SPIDR: variants seen among roughly 807,000 people sequenced by gnomAD.
SPIDR encodes the protein DNA repair-scaffolding protein.
A neutral mutation model predicts 104.6 loss-of-function variants in SPIDR; 93 were observed. The observed-to-expected ratio is 0.89, with a 90% CI of 0.75 to 1.06. SPIDR has a LOEUF of 1.06. Among genes scored for constraint, SPIDR ranks in the 50% least tolerant of loss-of-function variants. The pLI, the probability that SPIDR is intolerant of heterozygous loss-of-function variation, is 0.00. For missense variants in SPIDR, 1,154 were observed against 1,111.2 expected (o/e 1.04, Z -0.55); for synonymous variants, 431 against 416.9 (o/e 1.03, Z -0.41).
At chr8:47,294,093 T>G (rs1473323871) in intron 5 of SPIDR, 63 bp downstream of exon 5, 2 of 879,104 alleles carry the variant, frequency 2.3e-6, no homozygotes, top group Non-Finnish European at 3.1e-6. Flanking sequence ...ATAGTTGTCA[T>G]TTTTTTTTTT....
chr8:47,688,019 G>T (rs897243322), intron 11 of SPIDR, among the ~76,000 whole-genome samples: 4 of 141,008 alleles, frequency 2.8e-5, no homozygotes, highest in Non-Finnish European at 6.0e-5. Flanking sequence ...AAAAAAAAGT[G>T]TGTGTGTGTG....
In SPIDR at chr8:47,362,231, G is replaced by T. The variant is rs542048795; in HGVS notation, c.526-34145G>T. Among the ~76,000 whole-genome samples, 79 of 152,334 alleles carry T rather than the reference G, an allele frequency of 5.2e-4. No homozygotes were observed. The South Asian group carries it at 7.4e-3, about 14-fold the overall frequency. ...GCCACAGCCTGAGAGATTCTGCTGA[G>T]AGTGTGACTGCCTTTTATAGTGCTG... On this transcript the variant is annotated intron_variant, in intron 5 of 19. Transcript: ENST00000297423.
intron 14 of SPIDR, among the ~76,000 whole-genome samples, chr8:47,704,309 T>A (rs1589360821): frequency 6.6e-6 from 1 of 152,370 alleles, no homozygotes; most frequent in Middle Eastern, 3.4e-3. Context: ...CATTCTCATG[T>A]ACATATCATT....
chr8:47,648,858 G>A (rs1057419471), intron 10 of SPIDR, among the ~76,000 whole-genome samples: 7 of 152,066 alleles, frequency 4.6e-5, no homozygotes, highest in South Asian at 2.1e-4. Context: ...AGTAAGACTC[G>A]ATGAAAACAA....
At chr8:47,453,677 C>A (rs1390197715) in intron 8 of SPIDR, among the ~76,000 whole-genome samples, 1 of 152,138 alleles carries the variant, frequency 6.6e-6, no homozygotes, top group African/African-American at 2.4e-5. Flanking sequence ...GAAACTGGAT[C>A]CCTTCCTTAC....
intron 14 of SPIDR, among the ~76,000 whole-genome samples, chr8:47,708,975 C>CTT (rs763678779): frequency 7.1e-5 from 10 of 140,806 alleles, no homozygotes; most frequent in African/African-American, 7.8e-5. Flanking sequence ...AGTAAGAAGA[C>CTT]TTTTTTTTTT....
intron 5 of SPIDR, among the ~76,000 whole-genome samples, chr8:47,378,597 A>AT (rs2154299005): frequency 6.6e-6 from 1 of 151,574 alleles, no homozygotes; most frequent in African/African-American, 2.4e-5. Flanking sequence ...GGTTCCTGAG[A>AT]TTTTTCTGTT....
chr8:47,488,508 C>A (rs1554734030), intron 8 of SPIDR, among the ~76,000 whole-genome samples: 1 of 152,082 alleles, frequency 6.6e-6, no homozygotes, highest in Admixed American at 6.5e-5. Flanking sequence ...TTTATGAGAC[C>A]AGTATCATCC....
intron 10 of SPIDR, among the ~76,000 whole-genome samples, chr8:47,662,931 C>T (rs538934416): frequency 5.0e-4 from 76 of 152,342 alleles, no homozygotes; most frequent in Non-Finnish European, 1.1e-3. Flanking sequence ...CCTGCTGGTG[C>T]CTTGATCTGG....
At chr8:47,438,541 C>A (rs1401295825) in intron 7 of SPIDR, among the ~76,000 whole-genome samples, 2 of 152,170 alleles carry the variant, frequency 1.3e-5, no homozygotes, top group Admixed American at 1.3e-4. Flanking sequence ...TAACAAAATG[C>A]CTGTTGTGGC....
intron 10 of SPIDR, among the ~76,000 whole-genome samples, chr8:47,657,271 G>T (rs374841012): frequency 6.6e-6 from 1 of 152,066 alleles, no homozygotes; most frequent in Non-Finnish European, 1.5e-5. Flanking sequence ...TACTTACCAG[G>T]GAATTGTGCT....
At chr8:47,360,244 CAA>C (rs1186187617) in intron 5 of SPIDR, among the ~76,000 whole-genome samples, 2 of 38,960 alleles carry the variant, frequency 5.1e-5, no homozygotes, top group African/African-American at 1.3e-4. Flanking sequence ...GACTCCATCT[CAA>C]AAAAAAAAAA....
At chr8:47,325,252 T>C (rs2047470716) in intron 5 of SPIDR, among the ~76,000 whole-genome samples, 1 of 152,186 alleles carries the variant, frequency 6.6e-6, no homozygotes, top group Admixed American at 6.5e-5. Context: ...TAGTTGATGT[T>C]GTCACTTGGG....
At chr8:47,511,184 T>A in intron 8 of SPIDR, 1 of 1,569,716 alleles carries the variant, frequency 6.4e-7, no homozygotes, top group Non-Finnish European at 8.8e-7. Flanking sequence ...AAGAGTTGGA[T>A]GTTGCTGATC....
intron 8 of SPIDR, among the ~76,000 whole-genome samples, chr8:47,466,901 AT>A (rs1481219397): frequency 0.1 from 2,740 of 27,392 alleles, 108 homozygotes; most frequent in African/African-American, 0.18. Context: ...AAAAAAAAAA[AT>A]ATATATATAT....
intron 11 of SPIDR, among the ~76,000 whole-genome samples, chr8:47,680,087 G>A (rs774186427): frequency 6.6e-6 from 1 of 152,170 alleles, no homozygotes; most frequent in African/African-American, 2.4e-5. Flanking sequence ...AACCACGCTA[G>A]CCATGTGCCT....
At chr8:47,640,885 T>C in intron 10 of SPIDR, among the ~76,000 whole-genome samples, 1 of 135,298 alleles carries the variant, frequency 7.4e-6, no homozygotes, top group South Asian at 2.5e-4. Flanking sequence ...TTTTTTTTTT[T>C]GTATTTTGGT....
intron 5 of SPIDR, among the ~76,000 whole-genome samples, chr8:47,387,654 T>G (rs1056272740): frequency 2.6e-5 from 4 of 152,220 alleles, no homozygotes; most frequent in African/African-American, 4.8e-5. Context: ...ACTTGTTGTA[T>G]TGAGATATTT....
At chr8:47,632,604 G>T (rs527399122) in intron 10 of SPIDR, among the ~76,000 whole-genome samples, 2 of 151,870 alleles carry the variant, frequency 1.3e-5, no homozygotes, top group South Asian at 4.2e-4. Flanking sequence ...AAAGAATGTC[G>T]GCAAACTCTA....
Sources: allele counts gnomAD v4.1 joint callset (sites outside exome capture counted in the v4.1 genomes callset), GRCh38; gene constraint gnomAD v4.1.1; transcripts MANE v1.5; gene names NCBI Gene and HGNC (gene_info 2026-07-23, HGNC 2026-07-21).